The following DNM3 variants were observed in gnomAD, a reference collection of about 807,000 sequenced individuals.
DNM3 encodes the protein dynamin-3.
Under a neutral mutation model 101.6 loss-of-function variants are expected in DNM3, and 47 were observed. The ratio of observed to expected loss-of-function variants is 0.46; its 90% CI spans 0.37 to 0.59. The LOEUF is 0.59. Among genes scored for constraint, DNM3 ranks in the 20% least tolerant of loss-of-function variants. DNM3 has a pLI of 0.00. For missense variants in DNM3, 849 were observed against 1,085.7 expected (o/e 0.78, Z 3.06); for synonymous variants, 385 against 387.9 (o/e 0.99, Z 0.09).
chr1:172,122,437 T>A (rs975084118), intron 13 of DNM3, among the ~76,000 whole-genome samples: 33 of 152,174 alleles, frequency 2.2e-4, no homozygotes, highest in African/African-American at 8.0e-4. Context: ...TTGTTCCTTT[T>A]AACTGACCCA....
At chr1:172,241,195 T>C (rs879615323) in intron 14 of DNM3, among the ~76,000 whole-genome samples, 1 of 151,764 alleles carries the variant, frequency 6.6e-6, no homozygotes, top group Non-Finnish European at 1.5e-5. Context: ...CAATTTAAAA[T>C]TTTTCATGCA....
intron 14 of DNM3, among the ~76,000 whole-genome samples, chr1:172,247,694 T>TA (rs57131507): frequency 6.6e-6 from 1 of 151,582 alleles, no homozygotes; most frequent in Non-Finnish European, 1.5e-5. Flanking sequence ...TTTATTTATT[T>TA]GTTTATTTTG....
At chr1:172,315,930 T>C (rs1351377815) in intron 16 of DNM3, among the ~76,000 whole-genome samples, 1 of 151,738 alleles carries the variant, frequency 6.6e-6, no homozygotes, top group African/African-American at 2.4e-5. Context: ...CCGAGACACA[T>C]AATTGTCAGA....
intron 4 of DNM3, among the ~76,000 whole-genome samples, chr1:171,990,282 C>T (rs1288061834): frequency 1.3e-5 from 2 of 152,012 alleles, no homozygotes; most frequent in Non-Finnish European, 2.9e-5. Flanking sequence ...GCCGCTTGTT[C>T]GTGCATGAGA....
intron 1 of DNM3, among the ~76,000 whole-genome samples, chr1:171,849,019 T>C (rs1197371541): frequency 6.6e-6 from 1 of 152,208 alleles, no homozygotes; most frequent in Non-Finnish European, 1.5e-5. Flanking sequence ...AAGGTCATGA[T>C]ATACCCATGA....
chr1:172,300,686 G>A (rs1449763916), intron 15 of DNM3, among the ~76,000 whole-genome samples: 2 of 152,176 alleles, frequency 1.3e-5, no homozygotes, highest in Non-Finnish European at 2.9e-5. Context: ...AGACTTAAAT[G>A]TAAGATCTAA....
At chr1:172,213,311 A>C (rs967158819) in intron 14 of DNM3, among the ~76,000 whole-genome samples, 1 of 151,972 alleles carries the variant, frequency 6.6e-6, no homozygotes, top group Non-Finnish European at 1.5e-5. Context: ...CTTTGCAGAA[A>C]CTGTGTTGGC....
chr1:172,044,180 G>A (rs1045303134), intron 8 of DNM3, among the ~76,000 whole-genome samples: 9 of 152,244 alleles, frequency 5.9e-5, no homozygotes, highest in Non-Finnish European at 1.0e-4. Flanking sequence ...AAAATCCACT[G>A]CCCCCAAGCT....
chr1:172,232,694 G>T (rs1265325645), intron 14 of DNM3, among the ~76,000 whole-genome samples: 1 of 152,174 alleles, frequency 6.6e-6, no homozygotes, highest in East Asian at 1.9e-4. Context: ...CTGTCTCTCA[G>T]ACCACAGTGC....
At chr1:172,106,821 A>G (rs1572535085) in intron 13 of DNM3, among the ~76,000 whole-genome samples, 1 of 106,712 alleles carries the variant, frequency 9.4e-6, no homozygotes, top group African/African-American at 3.3e-5. Flanking sequence ...GAATTTTCTT[A>G]TTATTCAATT....
intron 12 of DNM3, among the ~76,000 whole-genome samples, chr1:172,082,835 A>G (rs1218384011): frequency 1.3e-5 from 2 of 152,236 alleles, no homozygotes; most frequent in Non-Finnish European, 2.9e-5. Flanking sequence ...AGTCCCAATT[A>G]TCCAACTGAA....
intron 1 of DNM3, 114 bp downstream of exon 1, chr1:171,841,931 G>A: frequency 7.9e-7 from 1 of 1,272,798 alleles, no homozygotes; most frequent in Non-Finnish European, 1.0e-6. Flanking sequence ...GCGCTGCGGT[G>A]GAATGGGGGG....
At chr1:171,873,312 A>G (rs2035466726) in intron 1 of DNM3, among the ~76,000 whole-genome samples, 1 of 152,114 alleles carries the variant, frequency 6.6e-6, no homozygotes, top group Non-Finnish European at 1.5e-5. Context: ...GCTATAAAAT[A>G]TTACTATTAT....
Position 171,893,464 on chromosome 1 carries a change from T to TG in DNM3, c.162-28283dup, listed in dbSNP as rs397751526. 3.3e-5 allele frequency among the ~76,000 whole-genome samples: 5 copies of TG among 152,006 alleles called. No individual in the cohort carries two copies. The East Asian group carries it at 7.7e-4, about 23-fold the overall frequency. ...TATTTAATATTTGACTTTTTTTTTT[T>TG]GTCTTTTGAGACAGGGTCTCACTCT... On this transcript the variant is annotated intron_variant, in intron 1 of 20. Transcript: ENST00000627582.
intron 15 of DNM3, among the ~76,000 whole-genome samples, chr1:172,267,724 A>T (rs10911446): frequency 0.23 from 33,160 of 146,938 alleles, 3,722 homozygotes; most frequent in African/African-American, 0.27. Flanking sequence ...TTTTTTTTTT[A>T]TTTTTAGAGA....
chr1:172,109,018 T>C (rs1357870618), intron 13 of DNM3, among the ~76,000 whole-genome samples: 1 of 152,248 alleles, frequency 6.6e-6, no homozygotes, highest in African/African-American at 2.4e-5. Flanking sequence ...ATAATTATTA[T>C]TTGTTTGCAC....
intron 14 of DNM3, among the ~76,000 whole-genome samples, chr1:172,142,825 TA>T (rs1394564535): frequency 2.0e-5 from 3 of 151,684 alleles, no homozygotes; most frequent in Non-Finnish European, 4.4e-5. Context: ...TTGTATCAAT[TA>T]GAAAAAATAT....
At chr1:171,861,577 T>C (rs964211605) in intron 1 of DNM3, among the ~76,000 whole-genome samples, 2 of 152,074 alleles carry the variant, frequency 1.3e-5, no homozygotes, top group East Asian at 1.9e-4. Flanking sequence ...ACATCATATA[T>C]ACAGATTAAC....
At chr1:172,099,810 G>A (rs754622753) in intron 13 of DNM3, among the ~76,000 whole-genome samples, 23 of 152,210 alleles carry the variant, frequency 1.5e-4, no homozygotes, top group Non-Finnish European at 7.3e-5. Context: ...ACACTGGAGG[G>A]AGGGGCACAA....
Sources: gnomAD v4.1 joint callset for allele counts (sites outside exome capture counted in the v4.1 genomes callset) on GRCh38, gnomAD v4.1.1 for gene constraint, MANE v1.5 for transcripts, NCBI Gene and HGNC (gene_info 2026-07-23, HGNC 2026-07-21) for gene names.